Variants in IWS1 observed in about 807,000 individuals in gnomAD.
IWS1 encodes interacts with SUPT6H, CTD assembly factor 1.
Under a neutral mutation model 86.7 loss-of-function variants are expected in IWS1, and 27 were observed. The observed-to-expected ratio is 0.31, with a 90% CI of 0.23 to 0.43. The LOEUF (loss-of-function observed/expected upper bound fraction) is 0.43. Among genes scored for constraint, IWS1 ranks in the 20% least tolerant of loss-of-function variants. The pLI is 1.00. For synonymous variants in IWS1, 313 were observed against 335.1 expected, an observed-to-expected ratio of 0.93 and a Z score of 0.72; for missense variants, 827 against 1,000.8, an observed-to-expected ratio of 0.83 and a Z score of 2.34.
chr2:127,503,566 CTT>C lies in IWS1; in HGVS notation c.1228_1229del (p.Lys410GlufsTer6), dbSNP rs1690930255. 6.3e-7 allele frequency: 1 copy of C among 1,576,330 alleles called. No individual in the cohort carries two copies. Among genetic ancestry groups the C allele is most frequent in the Admixed American group, 1.8e-5 (1 of 55,706 alleles). On this transcript the variant is annotated frameshift_variant, in exon 4 of 14. Coordinates refer to ENST00000295321, the MANE Select transcript of IWS1 (RefSeq NM_017969.3). LOFTEE classifies it high-confidence loss of function. ...CATCTGCATCAGAGACAACACGACTCTTCTTTGCTGCTGTTGAAAAAGAAAAT... is the reference window on the plus strand; with the variant it reads ...CATCTGCATCAGAGACAACACGACTCCTTTGCTGCTGTTGAAAAAGAAAAT... ...SEDEEKASAK[K>X]SRVVSDADDS...
chr2:127,498,974 T>C (rs764952480), intron 5 of IWS1: 1 of 152,242 alleles, frequency 6.6e-6, no homozygotes, highest in Non-Finnish European at 1.5e-5. Flanking sequence ...CTTATCAGTA[T>C]GTAAAATCTC....
intron 2 of IWS1, among the ~76,000 whole-genome samples, chr2:127,508,019 G>A (rs1336638813): frequency 6.6e-6 from 1 of 152,062 alleles, no homozygotes; most frequent in African/African-American, 2.4e-5. Flanking sequence ...TCCAAAACTC[G>A]AAAAAATTCT....
chr2:127,500,349 T>C (rs925362100), intron 5 of IWS1, among the ~76,000 whole-genome samples: 11 of 151,960 alleles, frequency 7.2e-5, no homozygotes, highest in Non-Finnish European at 1.0e-4. Context: ...TCTCTTAGAT[T>C]ATGGACTTGT....
rs1293002112 is a variant in IWS1, at chr2:127,523,765, C to T, written c.61G>A (p.Asp21Asn). Residue 21 changes from aspartate to asparagine, a missense_variant, in exon 2 of 14, where the codon GAT becomes AAT. Transcript: ENST00000295321. ...SDDGGATPVQ[D>N]ERDSGSDGED... ...CCGTCTGACCCTGAATCCCGTTCAT[C>T]CTGTACTGGGGTAGCACCACCATCA... 1 of 1,613,570 alleles carries T rather than the reference C, an allele frequency of 6.2e-7. No individual in the cohort carries two copies. Among genetic ancestry groups the T allele is most frequent in the Non-Finnish European group, 8.5e-7 (1 of 1,179,842 alleles).
intron 2 of IWS1, among the ~76,000 whole-genome samples, chr2:127,506,965 T>C (rs1290867525): frequency 2.6e-5 from 4 of 152,214 alleles, no homozygotes; most frequent in Non-Finnish European, 5.9e-5. Context: ...TTAAATAACA[T>C]GGCAATAATA....
rs759705768 is a variant in IWS1, at chr2:127,503,452, C to G, written c.1344G>C (p.Leu448Phe). Residue 448 changes from leucine to phenylalanine, a missense_variant, in exon 4 of 14, where the codon TTG (leucine) becomes TTC (phenylalanine). Transcript: ENST00000295321. ...CCTTCTCTTCATTTTTCTTATCAGA[C>G]AATTCTTTCCCAGCTTCTTCCTCAC... ...SDSEEEAGKE[L>F]SDKKNEEKDL... 2 of 1,613,518 alleles carry G rather than the reference C, an allele frequency of 1.2e-6. No individual in the cohort carries two copies. Among genetic ancestry groups the G allele is most frequent in the East Asian group, 4.5e-5 (2 of 44,868 alleles).
chr2:127,497,065 T>C (rs1217693721), intron 6 of IWS1, among the ~76,000 whole-genome samples: 1 of 151,970 alleles, frequency 6.6e-6, no homozygotes, highest in Non-Finnish European at 1.5e-5. Context: ...ATGATATTGA[T>C]ACAACAACAA....
chr2:127,507,879 T>C (rs1347414605), intron 2 of IWS1, among the ~76,000 whole-genome samples: 3 of 152,176 alleles, frequency 2.0e-5, no homozygotes, highest in Non-Finnish European at 2.9e-5. Context: ...AACACAAACT[T>C]TGTTTCATGT....
rs778620960 is a variant in IWS1, at chr2:127,486,512, C to CTGCA, written c.2328+37_2328+40dup. The CTGCA allele has an allele frequency of 1.3e-5, 17 of 1,328,484 alleles. No individual in the cohort carries two copies. The African/African-American group carries it at 2.3e-4, about 18-fold the overall frequency. The allele number at this position is 1,328,484 out of a possible 1,614,324, so 82.3% of individuals were successfully genotyped here. On this transcript the variant is annotated intron_variant, in intron 13 of 13. Coordinates refer to ENST00000295321, the MANE Select transcript of IWS1 (RefSeq NM_017969.3). ...ATGAAGTAAAGAGTCAAACAGTAAT[C>CTGCA]TGCAGGTGAGATCCACCTTGCCGAT...
chr2:127,484,131 C>T (rs1329560292), intron 13 of IWS1, among the ~76,000 whole-genome samples: 1 of 151,950 alleles, frequency 6.6e-6, no homozygotes, highest in African/African-American at 2.4e-5. Context: ...CAGTGAAACC[C>T]CATCTCTACT....
intron 1 of IWS1, among the ~76,000 whole-genome samples, chr2:127,524,326 T>C (rs1378241203): frequency 6.6e-6 from 1 of 152,152 alleles, no homozygotes; most frequent in Non-Finnish European, 1.5e-5. Flanking sequence ...AAAGCATATA[T>C]AAAATGGTAA....
In IWS1 at chr2:127,494,907, T is replaced by G. The variant is rs748113727; in HGVS notation, c.1764A>C (p.Leu588Phe). Residue 588 changes from leucine (L) to phenylalanine (F), a missense_variant, in exon 8 of 14, where the codon TTA (leucine) becomes TTC (phenylalanine). Physicochemically the swap from Leu to Phe is conservative, Grantham distance 22. Around this residue, in one of 2 missense-constraint regions of IWS1, gnomAD observed 279 missense variants for 440.6 expected, o/e 0.63. Transcript: ENST00000295321. ...GCATAACTACAGCAGGCAGTAAAGT[T>G]AATTTTTTCAGTGCTGGCTTTTTTT... ...NNQKKPALKK[L>F]TLLPAVVMHL... is the part of the protein sequence containing the mutation. 22 of 1,605,062 alleles carry G rather than the reference T, an allele frequency of 1.4e-5. No homozygotes were observed. The highest frequency in any genetic ancestry group is 1.9e-5 in the Non-Finnish European group (22 of 1,175,266).
At chr2:127,481,385 G>A (rs1201386330) in intron 13 of IWS1, among the ~76,000 whole-genome samples, 1 of 151,622 alleles carries the variant, frequency 6.6e-6, no homozygotes, top group Non-Finnish European at 1.5e-5. Context: ...TAATTCTGTT[G>A]TCTGTGCTTT....
chr2:127,494,071 T>C (rs1690379552), intron 8 of IWS1, among the ~76,000 whole-genome samples: 1 of 149,194 alleles, frequency 6.7e-6, no homozygotes, highest in Non-Finnish European at 1.5e-5. Context: ...TGTGGCTTAG[T>C]TCAAAGAGAA....
At chr2:127,503,891 C>T (rs978031450) in intron 3 of IWS1, among the ~76,000 whole-genome samples, 1 of 152,040 alleles carries the variant, frequency 6.6e-6, no homozygotes, top group Non-Finnish European at 1.5e-5. Flanking sequence ...AAAATTAAAA[C>T]TAGATTGATG....
chr2:127,526,015 G>A (rs987732333), intron 1 of IWS1, among the ~76,000 whole-genome samples, 160 bp downstream of exon 1: 3 of 152,230 alleles, frequency 2.0e-5, no homozygotes, highest in Non-Finnish European at 4.4e-5. Flanking sequence ...TTCTAGCTTC[G>A]ACGCTTGCAG....
chr2:127,522,900 A>C (rs1692178463), intron 2 of IWS1, among the ~76,000 whole-genome samples: 1 of 152,256 alleles, frequency 6.6e-6, no homozygotes, highest in Non-Finnish European at 1.5e-5. Context: ...ATTATTAAAC[A>C]AAAACAGCTC....
intron 12 of IWS1, among the ~76,000 whole-genome samples, chr2:127,487,817 T>C (rs1218593878): frequency 6.6e-6 from 1 of 152,218 alleles, no homozygotes; most frequent in Non-Finnish European, 1.5e-5. Context: ...CCCAAAGTGC[T>C]GGGATTACAG....
At chr2:127,508,161 T>C (rs1378783103) in intron 2 of IWS1, among the ~76,000 whole-genome samples, 1 of 152,188 alleles carries the variant, frequency 6.6e-6, no homozygotes, top group Non-Finnish European at 1.5e-5. Context: ...AGAATGTATT[T>C]CATGTCTACT....
Sources: gnomAD v4.1 joint callset for allele counts (sites outside exome capture counted in the v4.1 genomes callset) on GRCh38, gnomAD v4.1.1 for gene constraint, gnomAD v4.1.1 regional missense constraint, MANE v1.5 for transcripts, NCBI Gene and HGNC (gene_info 2026-07-23, HGNC 2026-07-21) for gene names.